Variants in CCSER1 observed in about 807,000 individuals in gnomAD.
The protein encoded by CCSER1 is serine-rich coiled-coil domain-containing protein 1.
A neutral mutation model predicts 82.0 loss-of-function variants in CCSER1; 41 were observed. The observed-to-expected ratio is 0.50, with a 90% CI of 0.39 to 0.65. The LOEUF (loss-of-function observed/expected upper bound fraction) is 0.65. Among genes scored for constraint, CCSER1 ranks in the 30% least tolerant of loss-of-function variants. The pLI is 0.00. For missense variants in CCSER1, 1,119 were observed against 1,064.2 expected, an observed-to-expected ratio of 1.05 and a Z score of -0.72; for synonymous variants, 414 against 383.9, an observed-to-expected ratio of 1.08 and a Z score of -0.92.
intron 9 of CCSER1, among the ~76,000 whole-genome samples, chr4:91,032,023 C>T (rs1231157044): frequency 1.3e-5 from 2 of 151,990 alleles, no homozygotes; most frequent in Admixed American, 6.6e-5. Context: ...GTCACTTCAA[C>T]CAGCTCTGAC....
intron 10 of CCSER1, among the ~76,000 whole-genome samples, chr4:91,368,712 ATTTACT>A (rs2149321216): frequency 1.3e-5 from 2 of 152,248 alleles, no homozygotes; most frequent in African/African-American, 4.8e-5. Context: ...TAGCAATTTC[ATTTACT>A]TTAATCAGTC....
chr4:90,572,825 T>C (rs1398051976), intron 5 of CCSER1, among the ~76,000 whole-genome samples: 1 of 152,200 alleles, frequency 6.6e-6, no homozygotes, highest in Non-Finnish European at 1.5e-5. Flanking sequence ...TACATCCTCA[T>C]TTATTTAGGT....
chr4:91,513,727 C>T (rs561340805), intron 10 of CCSER1, among the ~76,000 whole-genome samples: 11 of 152,110 alleles, frequency 7.2e-5, no homozygotes, highest in African/African-American at 2.6e-4. Context: ...TCATTTCCTC[C>T]AGATTTTCTA....
chr4:91,283,247 C>T (rs1359940610), intron 10 of CCSER1, among the ~76,000 whole-genome samples: 1 of 152,014 alleles, frequency 6.6e-6, no homozygotes, highest in Non-Finnish European at 1.5e-5. Context: ...AACTTTTATG[C>T]CCTTCATACA....
intron 10 of CCSER1, among the ~76,000 whole-genome samples, chr4:91,460,258 G>T (rs1425940699): frequency 1.3e-5 from 2 of 152,090 alleles, no homozygotes; most frequent in Non-Finnish European, 2.9e-5. Flanking sequence ...ATGGGTTAGG[G>T]TACTGCTCCT....
intron 10 of CCSER1, among the ~76,000 whole-genome samples, chr4:91,377,355 C>T (rs1750504934): frequency 6.6e-6 from 1 of 152,146 alleles, no homozygotes; most frequent in Non-Finnish European, 1.5e-5. Context: ...AACTAGTTTA[C>T]AGTCCCACCA....
intron 4 of CCSER1, among the ~76,000 whole-genome samples, chr4:90,430,551 C>G (rs1758129741): frequency 6.6e-6 from 1 of 151,816 alleles, no homozygotes; most frequent in South Asian, 2.1e-4. Flanking sequence ...CTTACTGCCT[C>G]TCAGGGATTT....
At chr4:90,627,810 C>T (rs1344025801) in intron 5 of CCSER1, among the ~76,000 whole-genome samples, 1 of 151,990 alleles carries the variant, frequency 6.6e-6, no homozygotes, top group African/African-American at 2.4e-5. Flanking sequence ...GAAACCCCAT[C>T]TCTACTAAGA....
At chr4:90,916,004 G>T (rs1338231436) in intron 8 of CCSER1, among the ~76,000 whole-genome samples, 1 of 152,090 alleles carries the variant, frequency 6.6e-6, no homozygotes, top group Non-Finnish European at 1.5e-5. Context: ...ACTGCTCAAT[G>T]AAATAAAAGA....
At chr4:91,328,426 C>T (rs1053507342) in intron 10 of CCSER1, among the ~76,000 whole-genome samples, 2 of 152,120 alleles carry the variant, frequency 1.3e-5, no homozygotes, top group Non-Finnish European at 2.9e-5. Context: ...CTTGTGAAAA[C>T]TCACTCACTA....
intron 1 of CCSER1, among the ~76,000 whole-genome samples, chr4:90,281,579 G>C (rs528854578): frequency 1.3e-5 from 2 of 152,010 alleles, no homozygotes; most frequent in East Asian, 3.9e-4. Flanking sequence ...TCCAGGCCCA[G>C]GTGACGTTCT....
chr4:91,514,678 T>G (rs1334700109), intron 10 of CCSER1, among the ~76,000 whole-genome samples: 1 of 152,116 alleles, frequency 6.6e-6, no homozygotes, highest in Non-Finnish European at 1.5e-5. Context: ...ACTGACAAGT[T>G]CCACAATGTG....
intron 9 of CCSER1, among the ~76,000 whole-genome samples, chr4:91,074,180 G>A (rs1301348894): frequency 1.3e-5 from 2 of 152,144 alleles, no homozygotes; most frequent in African/African-American, 2.4e-5. Context: ...ATAACTGGTA[G>A]ATCATTTTCA....
intron 8 of CCSER1, among the ~76,000 whole-genome samples, chr4:90,879,504 GAA>G (rs1561294460): frequency 0.012 from 1,705 of 144,302 alleles, 26 homozygotes; most frequent in African/African-American, 0.043. Flanking sequence ...AGAAGAAGAA[GAA>G]GAAGAAGAAG....
intron 10 of CCSER1, among the ~76,000 whole-genome samples, chr4:91,576,549 T>C (rs1045154210): frequency 3.9e-5 from 6 of 151,966 alleles, no homozygotes; most frequent in African/African-American, 1.4e-4. Flanking sequence ...ACAGGTTGAG[T>C]ATCCCTTATC....
intron 10 of CCSER1, among the ~76,000 whole-genome samples, chr4:91,318,520 A>G (rs1745979689): frequency 6.6e-6 from 1 of 152,010 alleles, no homozygotes; most frequent in Non-Finnish European, 1.5e-5. Flanking sequence ...AAAGTTTTTT[A>G]TAGACTCAAT....
intron 7 of CCSER1, among the ~76,000 whole-genome samples, chr4:90,759,877 A>G (rs1750159296): frequency 6.6e-6 from 1 of 152,190 alleles, no homozygotes; most frequent in African/African-American, 2.4e-5. Flanking sequence ...AAAAATTTAC[A>G]AAATGTTAGA....
At chr4:91,009,476 T>G (rs7356176) in intron 9 of CCSER1, among the ~76,000 whole-genome samples, 50,223 of 151,466 alleles carry the variant, frequency 0.33, 9,296 homozygotes, top group East Asian at 0.44. Context: ...CCTTCCCAGG[T>G]AGGCTTAGGG....
chr4:90,958,572 T>A lies in CCSER1; in HGVS notation c.2172+35125T>A, dbSNP rs145496016. Among the ~76,000 whole-genome samples the A allele has an allele frequency of 2.3e-3, 344 of 152,220 alleles. 1 individual carries two copies. Among genetic ancestry groups the A allele is most frequent in the African/African-American group, 8.1e-3 (337 of 41,522 alleles). On this transcript the variant is annotated intron_variant, in intron 9 of 10. Coordinates refer to ENST00000509176, the MANE Select transcript of CCSER1 (RefSeq NM_001145065.2). ...GAAGGCTGCATGCAGTCCAGTGTGA[T>A]GGCTGCAGCCCACTTGCTAACCTTA... is the stretch of plus-strand genomic sequence containing the variant.
Sources: allele counts gnomAD v4.1 joint callset (sites outside exome capture counted in the v4.1 genomes callset), GRCh38; gene constraint gnomAD v4.1.1; transcripts MANE v1.5; gene names NCBI Gene and HGNC (gene_info 2026-07-23, HGNC 2026-07-21).